The following KHDRBS2 variants were observed in gnomAD, a reference collection of about 807,000 sequenced individuals.
The protein encoded by KHDRBS2 is KH RNA binding domain containing, signal transduction associated 2.
Under a neutral mutation model 44.3 loss-of-function variants are expected in KHDRBS2, and 26 were observed. The ratio of observed to expected loss-of-function variants is 0.59; its 90% confidence interval spans 0.43 to 0.81. The LOEUF is 0.81. KHDRBS2 is among the 40% of genes least tolerant of loss of function. The pLI, the probability that KHDRBS2 is intolerant of heterozygous loss-of-function variation, is 0.00. For missense variants in KHDRBS2, 476 were observed against 433.1 expected, an observed-to-expected ratio of 1.10 and a Z score of -0.88; for synonymous variants, 194 against 151.1, an observed-to-expected ratio of 1.28 and a Z score of -2.08.
At chr6:61,924,527 G>A (rs1177175938) in intron 4 of KHDRBS2, among the ~76,000 whole-genome samples, 1 of 151,844 alleles carries the variant, frequency 6.6e-6, no homozygotes, top group Non-Finnish European at 1.5e-5. Context: ...TCTTTAAACT[G>A]TGATGAACAC....
intron 2 of KHDRBS2, among the ~76,000 whole-genome samples, chr6:62,151,783 G>A (rs1055857195): frequency 6.6e-6 from 1 of 152,150 alleles, no homozygotes; most frequent in African/African-American, 2.4e-5. Context: ...TCCTAGCAAA[G>A]AAGTAGCACT....
intron 1 of KHDRBS2, among the ~76,000 whole-genome samples, chr6:62,230,796 T>C (rs1044901997): frequency 1.3e-5 from 2 of 152,214 alleles, no homozygotes; most frequent in Non-Finnish European, 2.9e-5. Flanking sequence ...GCTGCTACTA[T>C]CAGGAATTTA....
chr6:61,919,868 CTT>C (rs1367704702), intron 4 of KHDRBS2, among the ~76,000 whole-genome samples: 1 of 151,832 alleles, frequency 6.6e-6, no homozygotes, highest in African/African-American at 2.4e-5. Context: ...ACATGGTACT[CTT>C]AACACTAAAT....
At chr6:62,034,270 C>T (rs1382155125) in intron 3 of KHDRBS2, among the ~76,000 whole-genome samples, 1 of 151,860 alleles carries the variant, frequency 6.6e-6, no homozygotes, top group Non-Finnish European at 1.5e-5. Context: ...TAGCAGCAAT[C>T]CTATTGAAAG....
chr6:61,972,145 G>T (rs1011866007), intron 4 of KHDRBS2, among the ~76,000 whole-genome samples: 3 of 152,182 alleles, frequency 2.0e-5, no homozygotes, highest in Admixed American at 6.6e-5. Flanking sequence ...AAAGCTATTT[G>T]CAGGTCAGTG....
In KHDRBS2 at chr6:61,696,499, C is replaced by T. The variant is rs530817655; in HGVS notation, c.952+696G>A. On this transcript the variant is annotated intron_variant, in intron 8 of 8. Coordinates refer to ENST00000281156, the MANE Select transcript of KHDRBS2 (RefSeq NM_152688.4). ...GTCTCACTCTCCTGATCTCGTGATC[C>T]GCCCGCCTCAGCCTCCCAAAGTGCC... Among the ~76,000 whole-genome samples, 8 of 151,916 alleles carry T rather than the reference C, an allele frequency of 5.3e-5. No homozygotes were observed. In the East Asian group the frequency reaches 7.8e-4, roughly 15 times the overall value.
At chr6:62,247,942 G>A (rs956825492) in intron 1 of KHDRBS2, among the ~76,000 whole-genome samples, 1 of 152,018 alleles carries the variant, frequency 6.6e-6, no homozygotes, top group African/African-American at 2.4e-5. Flanking sequence ...AGAATGCTAT[G>A]ACTTTTTCTT....
chr6:62,245,505 G>T (rs1409668499), intron 1 of KHDRBS2, among the ~76,000 whole-genome samples: 1 of 151,960 alleles, frequency 6.6e-6, no homozygotes, highest in East Asian at 1.9e-4. Flanking sequence ...TAAAGTTCAG[G>T]CCTAAATAAA....
chr6:61,730,707 A>T (rs1774309018), intron 7 of KHDRBS2, among the ~76,000 whole-genome samples: 1 of 152,018 alleles, frequency 6.6e-6, no homozygotes, highest in African/African-American at 2.4e-5. Flanking sequence ...AATTGAGTGG[A>T]TAGGAAAGGA....
chr6:61,611,957 T>C, the KHDRBS2 span, among the ~76,000 whole-genome samples: 1 of 152,208 alleles, frequency 6.6e-6, no homozygotes, highest in African/African-American at 2.4e-5. Flanking sequence ...TCAGGAACAA[T>C]TTAGCACATC....
chr6:61,848,492 T>TATAC (rs1554236562), intron 6 of KHDRBS2, among the ~76,000 whole-genome samples: 424 of 30,034 alleles, frequency 0.014, 51 homozygotes, highest in South Asian at 0.024. Context: ...TATATATATG[T>TATAC]ATATATATAT....
intron 3 of KHDRBS2, among the ~76,000 whole-genome samples, chr6:62,036,239 C>A (rs1785258102): frequency 6.6e-6 from 1 of 151,814 alleles, no homozygotes; most frequent in African/African-American, 2.4e-5. Context: ...GGACGGATAG[C>A]AACATTTTGT....
intron 6 of KHDRBS2, among the ~76,000 whole-genome samples, chr6:61,838,965 G>T (rs1214103457): frequency 6.6e-6 from 1 of 151,972 alleles, no homozygotes; most frequent in Admixed American, 6.6e-5. Context: ...CCTCTCCAGG[G>T]TCATTACTCA....
chr6:61,739,096 TA>T (rs1173503777), intron 6 of KHDRBS2, among the ~76,000 whole-genome samples: 5 of 151,932 alleles, frequency 3.3e-5, no homozygotes, highest in Admixed American at 1.3e-4. Flanking sequence ...GATTTATAAC[TA>T]AAATATAGAA....
the KHDRBS2 span, among the ~76,000 whole-genome samples, chr6:61,669,340 T>C: frequency 6.6e-6 from 1 of 150,928 alleles, no homozygotes; most frequent in African/African-American, 2.4e-5. Context: ...GACTCTTTCA[T>C]TGTAAACAAT....
rs377756639 is a variant in KHDRBS2, at chr6:61,864,929, C to A, written c.810+29706G>T. On this transcript the variant is annotated intron_variant, in intron 6 of 8. Transcript: ENST00000281156. ...TACACCAATCAGTTGTAGATTTGGT[C>A]TCTTTATATAATCCCTTATTTCTAA... 8.3e-4 allele frequency among the ~76,000 whole-genome samples: 126 copies of A among 152,210 alleles called. 1 individual carries two copies. The highest frequency in any genetic ancestry group is 2.9e-3 in the African/African-American group (122 of 41,550).
chr6:61,930,585 T>C (rs1316509329), intron 4 of KHDRBS2, among the ~76,000 whole-genome samples: 1 of 125,754 alleles, frequency 8.0e-6, no homozygotes, highest in Non-Finnish European at 1.6e-5. Flanking sequence ...CTAGTCTAGT[T>C]ACTCGGGAGG....
rs1788041109 is a variant in KHDRBS2, at chr6:62,047,805, G to C, written c.336+73C>G. 22 of 884,188 alleles carry C rather than the reference G, an allele frequency of 2.5e-5. 1 individual carries two copies. The South Asian group carries it at 2.9e-4, about 12-fold the overall frequency. 54.8% of individuals were successfully genotyped at this position (884,188 alleles called of 1,614,324 possible). A position where few individuals can be genotyped will look rare whatever the true frequency, so the allele number is the denominator to read the frequency against. On this transcript the variant is annotated intron_variant, in intron 3 of 8. Coordinates refer to ENST00000281156, the MANE Select transcript of KHDRBS2 (RefSeq NM_152688.4). ...AATGGTGAAAGAGCAGTTCAGGCATGCTTGTAAATTTGGCCTTCAGTGTTA... is the reference window on the plus strand; with the variant it reads ...AATGGTGAAAGAGCAGTTCAGGCATCCTTGTAAATTTGGCCTTCAGTGTTA...
At chr6:61,665,660 A>G in the KHDRBS2 span, among the ~76,000 whole-genome samples, 1 of 151,360 alleles carries the variant, frequency 6.6e-6, no homozygotes, top group East Asian at 1.9e-4. Context: ...TTATGTAAGT[A>G]AGTGCTGGTA....
Sources: gnomAD v4.1 joint callset for allele counts (sites outside exome capture counted in the v4.1 genomes callset) on GRCh38, gnomAD v4.1.1 for gene constraint, MANE v1.5 for transcripts, NCBI Gene and HGNC (gene_info 2026-07-23, HGNC 2026-07-21) for gene names.